Variants in FAM114A2 observed in about 807,000 individuals in gnomAD.
FAM114A2 encodes the protein family with sequence similarity 114 member A2, also known as protein FAM114A2.
In FAM114A2, 53 loss-of-function variants were observed where a neutral mutation model predicts 58.4. The observed-to-expected ratio is 0.91, with a 90% CI of 0.73 to 1.14. The LOEUF is 1.14. FAM114A2 is among the 50% of genes most tolerant of loss of function. The pLI is 0.00. For missense variants in FAM114A2, 601 were observed against 581.1 expected, an observed-to-expected ratio of 1.03 and a Z score of -0.35; for synonymous variants, 228 against 211.4, an observed-to-expected ratio of 1.08 and a Z score of -0.68.
At chr5:153,993,750 A>C (rs1326679835) in intron 13 of FAM114A2, among the ~76,000 whole-genome samples, 1 of 152,182 alleles carries the variant, frequency 6.6e-6, no homozygotes, top group African/African-American at 2.4e-5. Flanking sequence ...ATAAAAATGT[A>C]TAATTTCGAA....
Position 154,014,098 on chromosome 5 carries a change from C to T in FAM114A2, c.914-2778G>A, listed in dbSNP as rs1328792823. Among the ~76,000 whole-genome samples the T allele has an allele frequency of 3.3e-5, 5 of 152,202 alleles. No individual in the cohort carries two copies. The East Asian group carries it at 9.6e-4, about 29-fold the overall frequency. ...TTTATTCACCATGCTATACTGCCTT[C>T]TCAATATCTCAAGGCAGCTTTAGAA... On this transcript the variant is annotated intron_variant, in intron 8 of 13. Transcript: ENST00000351797.
intron 8 of FAM114A2, among the ~76,000 whole-genome samples, chr5:154,012,327 A>T (rs1462764834): frequency 1.3e-5 from 2 of 152,176 alleles, no homozygotes; most frequent in African/African-American, 2.4e-5. Flanking sequence ...AAGATCAAAA[A>T]GCAATTAGCA....
intron 4 of FAM114A2, 141 bp from the exon 5 acceptor site, chr5:154,029,721 T>C (rs1483667936): frequency 2.1e-6 from 1 of 483,318 alleles, no homozygotes; most frequent in Non-Finnish European, 3.7e-6. Flanking sequence ...TTTAAACCAT[T>C]TGCTTATTTT....
intron 9 of FAM114A2, 57 bp from the exon 10 acceptor site, chr5:154,003,026 T>A: frequency 6.5e-7 from 1 of 1,538,078 alleles, no homozygotes; most frequent in Admixed American, 1.7e-5. Flanking sequence ...AAAATTACTG[T>A]GCACCTACCA....
chr5:154,037,427 C>T (rs1264781384), intron 1 of FAM114A2: 2 of 152,194 alleles, frequency 1.3e-5, no homozygotes, highest in Non-Finnish European at 1.5e-5. Flanking sequence ...TTTTGAGTAC[C>T]TACTACGTAC....
At position 153,990,366 on chromosome 5, in the gene FAM114A2, A is replaced by T. The variant is rs765728154; in HGVS notation, c.*2610T>A. 6.6e-6 allele frequency: 1 copy of T among 152,134 alleles called. No individual in the cohort carries two copies. The highest frequency in any genetic ancestry group is 1.5e-5 in the Non-Finnish European group (1 of 68,016). The allele number at this position is 152,134 out of a possible 1,614,324, so 9.4% of individuals were successfully genotyped here. On this transcript the variant is annotated 3_prime_UTR_variant, in exon 14 of 14. Transcript: ENST00000351797. ...TTTTTCAGCAGTAGGAACCCACAAG[A>T]TCTTGTTCTTTGATTACAGGATTGA...
chr5:154,002,940 C>G lies in FAM114A2; in HGVS notation c.1023G>C (p.Arg341Ser). The change falls in exon 10 of 14, where the codon AGG (arginine) becomes AGC (serine). Residue 341 changes from arginine to serine, a missense_variant. Physicochemically the swap from Arg to Ser is moderately radical, Grantham distance 110. Coordinates refer to ENST00000351797, the MANE Select transcript of FAM114A2 (RefSeq NM_018691.4). The stretch of plus-strand genomic sequence containing the variant: ...CTGCTAATGGCTTGGTCAGAGACTT[C>G]CTGATCCATTCGTGGGCGGTATTTC... ...RARNTAHEWIRKSLTKPLAEN... is the reference protein window; with the variant it reads ...RARNTAHEWISKSLTKPLAEN... 1 of 1,613,724 alleles carries G rather than the reference C, an allele frequency of 6.2e-7. No individual in the cohort carries two copies. Among genetic ancestry groups the G allele is most frequent in the South Asian group, 1.1e-5 (1 of 91,066 alleles).
chr5:154,034,470 G>C (rs185758851), intron 2 of FAM114A2, 93 bp from the exon 3 acceptor site: 1 of 757,086 alleles, frequency 1.3e-6, no homozygotes, highest in African/African-American at 1.8e-5. Flanking sequence ...CTAATTATTA[G>C]CCAAAAGCAT....
chr5:154,000,068 C>T (rs977921965), intron 11 of FAM114A2, among the ~76,000 whole-genome samples: 3 of 152,046 alleles, frequency 2.0e-5, no homozygotes, highest in South Asian at 2.1e-4. Context: ...CTGCAGGTCA[C>T]GAGGTTAAGT....
At chr5:154,038,396 C>T (rs1772742244) in intron 1 of FAM114A2, 1 of 152,218 alleles carries the variant, frequency 6.6e-6, no homozygotes, top group Non-Finnish European at 1.5e-5. Context: ...ACCTGTCTGC[C>T]TCTCCGTTTC....
intron 9 of FAM114A2, among the ~76,000 whole-genome samples, chr5:154,007,949 CA>C (rs2113288734): frequency 6.6e-6 from 1 of 152,214 alleles, no homozygotes; most frequent in East Asian, 1.9e-4. Flanking sequence ...AAAGGTCACA[CA>C]GAAAGTAATA....
chr5:153,997,711 A>C, intron 12 of FAM114A2, 92 bp downstream of exon 12: 1 of 776,658 alleles, frequency 1.3e-6, no homozygotes, highest in Admixed American at 2.2e-5. Context: ...AAAACTATTG[A>C]ATTGTACACT....
chr5:154,038,399 T>G (rs920310), intron 1 of FAM114A2: 93,522 of 152,094 alleles, frequency 0.61, 29,283 homozygotes, highest in East Asian at 0.87. Context: ...TGTCTGCCTC[T>G]CCGTTTCCTC....
intron 12 of FAM114A2, 141 bp from the exon 13 acceptor site, chr5:153,995,113 G>T (rs1769473248): frequency 5.1e-6 from 3 of 593,692 alleles, no homozygotes; most frequent in East Asian, 2.7e-5. Context: ...AGAGCAAAAT[G>T]TCATCTTTAG....
At chr5:154,006,317 A>C (rs1770340290) in intron 9 of FAM114A2, among the ~76,000 whole-genome samples, 1 of 152,214 alleles carries the variant, frequency 6.6e-6, no homozygotes, top group Non-Finnish European at 1.5e-5. Flanking sequence ...AAGCAAACAA[A>C]CAAAAACATA....
At chr5:154,011,413 G>A (rs930658742) in intron 8 of FAM114A2, 93 bp from the exon 9 acceptor site, 1 of 764,890 alleles carries the variant, frequency 1.3e-6, no homozygotes, top group African/African-American at 1.7e-5. Context: ...AGTGGTAATA[G>A]CAGTGACAGT....
chr5:154,028,214 C>T lies in FAM114A2; in HGVS notation c.565G>A (p.Ala189Thr), dbSNP rs1277707945. 1 of 1,611,208 alleles carries T rather than the reference C, an allele frequency of 6.2e-7. No individual in the cohort carries two copies. Among genetic ancestry groups the T allele is most frequent in the Non-Finnish European group, 8.5e-7 (1 of 1,177,550 alleles). Residue 189 changes from alanine (A) to threonine (T), a missense_variant, in exon 6 of 14, where the codon GCA becomes ACA. Coordinates refer to ENST00000351797, the MANE Select transcript of FAM114A2 (RefSeq NM_018691.4). Reference protein sequence around the residue: ...FIGKKTMDVIAEGDPGFKRTK... With the variant: ...FIGKKTMDVITEGDPGFKRTK... ...CTTTTAAATCCAGGATCCCCTTCTGCTATCACATCCATTGTCTTTTTTCCA... is the reference window on the plus strand; with the variant it reads ...CTTTTAAATCCAGGATCCCCTTCTGTTATCACATCCATTGTCTTTTTTCCA...
intron 2 of FAM114A2, 150 bp downstream of exon 2, chr5:154,034,594 T>G: frequency 1.5e-6 from 1 of 680,172 alleles, no homozygotes; most frequent in Non-Finnish European, 2.5e-6. Flanking sequence ...AAGGCATTTA[T>G]AGAACTGAAA....
At chr5:154,009,352 G>A (rs11167652) in intron 9 of FAM114A2, among the ~76,000 whole-genome samples, 99,138 of 151,944 alleles carry the variant, frequency 0.65, 32,700 homozygotes, top group East Asian at 0.88. Context: ...GCCAATGGGG[G>A]AAAAGCAGAA....
Sources: allele counts gnomAD v4.1 joint callset (sites outside exome capture counted in the v4.1 genomes callset), GRCh38; gene constraint gnomAD v4.1.1; transcripts MANE v1.5; gene names NCBI Gene and HGNC (gene_info 2026-07-23, HGNC 2026-07-21).